Variants in IQGAP2 observed in about 807,000 individuals in gnomAD.
IQGAP2 encodes IQ motif containing GTPase activating protein 2, also known as ras GTPase-activating-like protein IQGAP2.
IQGAP2 carries 173 observed loss-of-function variants against 201.3 expected under a neutral mutation model. That is an observed-to-expected ratio of 0.86 (90% CI 0.76 to 0.98). The LOEUF is 0.98. Ranked by LOEUF, IQGAP2 falls within the 50% of genes least tolerant of loss-of-function variation. The pLI is 0.00. For missense variants in IQGAP2, 1,687 were observed against 1,864.8 expected, an observed-to-expected ratio of 0.90 and a Z score of 1.76; for synonymous variants, 675 against 673.9, an observed-to-expected ratio of 1.00 and a Z score of -0.03.
intron 2 of IQGAP2, 72 bp from the exon 3 acceptor site, chr5:76,562,324 T>G: frequency 9.0e-7 from 1 of 1,111,646 alleles, no homozygotes; most frequent in Non-Finnish European, 1.3e-6. Context: ...CACAGCGAAA[T>G]GCTGCATGCC....
At chr5:76,511,581 T>C (rs1244937140) in intron 2 of IQGAP2, among the ~76,000 whole-genome samples, 2 of 152,208 alleles carry the variant, frequency 1.3e-5, no homozygotes, top group African/African-American at 4.8e-5. Context: ...ATGTTCCATC[T>C]ACTGAGACTG....
intron 3 of IQGAP2, among the ~76,000 whole-genome samples, chr5:76,566,852 C>T (rs543070532): frequency 1.1e-4 from 17 of 152,014 alleles, no homozygotes; most frequent in African/African-American, 3.1e-4. Context: ...GGAGCAGTCC[C>T]GTCCATTCTA....
chr5:76,635,580 T>C (rs1178033056), intron 15 of IQGAP2, among the ~76,000 whole-genome samples: 2 of 152,202 alleles, frequency 1.3e-5, no homozygotes, highest in Non-Finnish European at 2.9e-5. Flanking sequence ...TGGTGGTTCA[T>C]GCCTATAATC....
At chr5:76,661,799 G>A (rs1038920) in intron 21 of IQGAP2, among the ~76,000 whole-genome samples, 42,783 of 151,968 alleles carry the variant, frequency 0.28, 6,185 homozygotes, top group East Asian at 0.38. Flanking sequence ...TATCTTTTAT[G>A]ACTCCAAAGC....
rs140813985 is a variant in IQGAP2, at chr5:76,618,573, G to A, written c.1521+7390G>A. On this transcript the variant is annotated intron_variant, in intron 13 of 35. Coordinates refer to ENST00000274364, the MANE Select transcript of IQGAP2 (RefSeq NM_006633.5). The stretch of plus-strand genomic sequence containing the variant: ...AAAGGGGAACTCTTCAAAAGAATTT[G>A]GGGGAGCTCCACGAAAGGTCTTAAT... 18 of 1,613,916 alleles carry A rather than the reference G, an allele frequency of 1.1e-5. No individual in the cohort carries two copies. The African/African-American group carries it at 2.3e-4, about 20-fold the overall frequency.
rs1421807729 is a variant in IQGAP2 at position 76,403,692 on chromosome 5, G to C, written c.46+101G>C. Reference sequence around the variant, plus strand: ...AGGGAGCCGGTTGCGCGGCGCAGAGGAAATTGGAAGGCAGCAACTGCGCGG... The same window carrying C: ...AGGGAGCCGGTTGCGCGGCGCAGAGCAAATTGGAAGGCAGCAACTGCGCGG... On this transcript the variant is annotated intron_variant, in intron 1 of 35. Transcript: ENST00000274364. This position sits in a 1 kb window ranked among gnomAD's most constrained non-coding sequence, Gnocchi z 4.8. The C allele has an allele frequency of 1.9e-6, 2 of 1,027,810 alleles. No homozygotes were observed. Among genetic ancestry groups the C allele is most frequent in the Non-Finnish European group, 1.3e-6 (1 of 756,628 alleles). The allele number at this position is 1,027,810 out of a possible 1,614,324, so 63.7% of individuals were successfully genotyped here.
At chr5:76,432,444 G>C (rs1004914189) in intron 1 of IQGAP2, among the ~76,000 whole-genome samples, 1 of 152,066 alleles carries the variant, frequency 6.6e-6, no homozygotes, top group Non-Finnish European at 1.5e-5. Flanking sequence ...CTATTTCTGA[G>C]CTAATCTTCT....
rs1331928868 is a variant in IQGAP2 at position 76,559,569 on chromosome 5, G to C, written c.147-2827G>C. Among the ~76,000 whole-genome samples the C allele has an allele frequency of 6.6e-5, 10 of 152,164 alleles. No individual in the cohort carries two copies. In the East Asian group the frequency reaches 1.9e-3, roughly 29 times the overall value. On this transcript the variant is annotated intron_variant, in intron 2 of 35. Coordinates refer to ENST00000274364, the MANE Select transcript of IQGAP2 (RefSeq NM_006633.5). ...CCCCAGAGGCCCACTGTCTTCCCTG[G>C]GTTTTCTTCGTGAGTCAGCCATGTT...
chr5:76,436,929 G>A (rs1752742514), intron 1 of IQGAP2, among the ~76,000 whole-genome samples: 1 of 151,756 alleles, frequency 6.6e-6, no homozygotes, highest in African/African-American at 2.4e-5. Flanking sequence ...ACATACAAAT[G>A]TATACATACA....
chr5:76,447,897 A>G (rs1418437324), intron 1 of IQGAP2, among the ~76,000 whole-genome samples: 1 of 152,206 alleles, frequency 6.6e-6, no homozygotes, highest in Non-Finnish European at 1.5e-5. Flanking sequence ...CAGACATGAT[A>G]CTTTATGCTA....
At chr5:76,408,798 A>ATTTC (rs939915531) in intron 1 of IQGAP2, among the ~76,000 whole-genome samples, 1 of 151,828 alleles carries the variant, frequency 6.6e-6, no homozygotes, top group Non-Finnish European at 1.5e-5. Flanking sequence ...TTATTTATTT[A>ATTTC]TTTATTTATT....
At chr5:76,628,616 A>T in intron 14 of IQGAP2, 1 of 412,246 alleles carries the variant, frequency 2.4e-6, no homozygotes, top group Non-Finnish European at 4.8e-6. Context: ...AACTGATGGC[A>T]TAATTAGAAT....
chr5:76,593,963 G>A (rs1468380872), intron 9 of IQGAP2, among the ~76,000 whole-genome samples: 1 of 152,192 alleles, frequency 6.6e-6, no homozygotes, highest in Admixed American at 6.5e-5. Context: ...AAGCCCCAGA[G>A]GGTTAATGTA....
chr5:76,697,888 T>C, intron 32 of IQGAP2, 99 bp from the exon 33 acceptor site: 1 of 837,142 alleles, frequency 1.2e-6, no homozygotes, highest in Non-Finnish European at 1.8e-6. Flanking sequence ...AAGTTACAAA[T>C]AGCGACTTAC....
chr5:76,484,158 A>C (rs1755969591), intron 2 of IQGAP2, among the ~76,000 whole-genome samples: 1 of 152,008 alleles, frequency 6.6e-6, no homozygotes, highest in South Asian at 2.1e-4. Flanking sequence ...TCTTGCTTTA[A>C]AACCTAAATT....
At chr5:76,442,535 G>C (rs1239200792) in intron 1 of IQGAP2, among the ~76,000 whole-genome samples, 1 of 152,142 alleles carries the variant, frequency 6.6e-6, no homozygotes, top group Non-Finnish European at 1.5e-5. Flanking sequence ...TACAGTTTTA[G>C]AGCCACAAGG....
At chr5:76,565,814 C>G (rs1260907749) in intron 3 of IQGAP2, among the ~76,000 whole-genome samples, 1 of 152,146 alleles carries the variant, frequency 6.6e-6, no homozygotes, top group African/African-American at 2.4e-5. Context: ...TACTCTTCCT[C>G]TAAGAACGGT....
chr5:76,457,864 A>T (rs911784423), intron 1 of IQGAP2, among the ~76,000 whole-genome samples: 5 of 152,240 alleles, frequency 3.3e-5, no homozygotes, highest in African/African-American at 4.8e-5. Flanking sequence ...TTGAACTGTC[A>T]TCTGATGCTG....
intron 1 of IQGAP2, among the ~76,000 whole-genome samples, chr5:76,449,963 T>G (rs1006070892): frequency 1.3e-5 from 2 of 152,236 alleles, no homozygotes; most frequent in Admixed American, 6.5e-5. Flanking sequence ...ATAAAGTTCT[T>G]TCAGCTCTGG....
Sources: gnomAD v4.1 joint callset for allele counts (sites outside exome capture counted in the v4.1 genomes callset) on GRCh38, gnomAD v4.1.1 for gene constraint, Gnocchi (gnomAD v3.1) non-coding constraint, MANE v1.5 for transcripts, NCBI Gene and HGNC (gene_info 2026-07-23, HGNC 2026-07-21) for gene names.